Variants in ANKRD55 observed in about 807,000 individuals in gnomAD.
ANKRD55 encodes ankyrin repeat domain 55.
Under a neutral mutation model 60.6 loss-of-function variants are expected in ANKRD55, and 41 were observed. The ratio of observed to expected loss-of-function variants is 0.68; its 90% CI spans 0.53 to 0.88. The LOEUF is 0.88. ANKRD55 is among the 40% of genes least tolerant of loss of function. The probability of loss-of-function intolerance (pLI) is 0.00; values close to 1 mark genes in which losing one functional copy is unlikely to be tolerated. For missense variants in ANKRD55, 732 were observed against 767.6 expected, an observed-to-expected ratio of 0.95 and a Z score of 0.55; for synonymous variants, 264 against 290.3, an observed-to-expected ratio of 0.91 and a Z score of 0.92.
chr5:56,102,022 A>T (rs1756292479), intron 11 of ANKRD55, among the ~76,000 whole-genome samples: 2 of 151,062 alleles, frequency 1.3e-5, no homozygotes, highest in African/African-American at 2.4e-5. Flanking sequence ...ATAAGCATTT[A>T]AAAAAAAGCT....
chr5:56,116,893 T>C, intron 8 of ANKRD55, 111 bp from the exon 9 acceptor site: 2 of 1,184,362 alleles, frequency 1.7e-6, no homozygotes, highest in Non-Finnish European at 2.3e-6. Context: ...GAAAATCTTG[T>C]TGCCATTTAC....
At chr5:56,202,379 A>T (rs1759400588) in intron 2 of ANKRD55, among the ~76,000 whole-genome samples, 1 of 152,018 alleles carries the variant, frequency 6.6e-6, no homozygotes, top group Non-Finnish European at 1.5e-5. Flanking sequence ...TGACATTGAT[A>T]GGCACTTGTG....
intron 7 of ANKRD55, among the ~76,000 whole-genome samples, chr5:56,140,554 A>G (rs963776786): frequency 1.3e-5 from 2 of 152,256 alleles, no homozygotes; most frequent in African/African-American, 4.8e-5. Flanking sequence ...TTTTGCCTCC[A>G]ATGCAAGACA....
At chr5:56,227,131 G>A (rs1352498663) in intron 2 of ANKRD55, among the ~76,000 whole-genome samples, 4 of 152,070 alleles carry the variant, frequency 2.6e-5, no homozygotes, top group Non-Finnish European at 5.9e-5. Flanking sequence ...AATGTGGCAT[G>A]TATACACCAT....
intron 2 of ANKRD55, among the ~76,000 whole-genome samples, chr5:56,185,116 G>T (rs1758939736): frequency 6.6e-6 from 1 of 152,084 alleles, no homozygotes; most frequent in Non-Finnish European, 1.5e-5. Flanking sequence ...CCAGCTACTT[G>T]GGAGGCTGAG....
chr5:56,108,645 A>G (rs1383078193), intron 10 of ANKRD55, among the ~76,000 whole-genome samples: 2 of 152,248 alleles, frequency 1.3e-5, no homozygotes, highest in Non-Finnish European at 2.9e-5. Context: ...GGCACTGGGC[A>G]CATGTCAAAG....
intron 7 of ANKRD55, chr5:56,136,956 G>A: frequency 2.0e-6 from 1 of 505,864 alleles, no homozygotes. Context: ...CTTTCCCTAA[G>A]TGGCCTCAGC....
rs141434154 is a variant in ANKRD55, at chr5:56,118,120, G to A, written c.798-1338C>T. 3.8e-3 allele frequency among the ~76,000 whole-genome samples: 584 copies of A among 152,102 alleles called. 2 individuals carry two copies. Among genetic ancestry groups the A allele is most frequent in the African/African-American group, 0.011 (462 of 41,466 alleles). On this transcript the variant is annotated intron_variant, in intron 8 of 11. Coordinates refer to ENST00000341048, the MANE Select transcript of ANKRD55 (RefSeq NM_024669.3). ...ATCATACCACTGCACTCCATCATGG[G>A]CGACAGAGCAAGACTCTGTCTCAAA...
intron 2 of ANKRD55, among the ~76,000 whole-genome samples, chr5:56,208,013 A>G (rs1759556433): frequency 6.6e-6 from 1 of 152,160 alleles, no homozygotes; most frequent in Non-Finnish European, 1.5e-5. Flanking sequence ...CTTTCTTTAT[A>G]TCCTTATCCT....
At chr5:56,180,648 A>G (rs1267854688) in intron 3 of ANKRD55, among the ~76,000 whole-genome samples, 1 of 152,238 alleles carries the variant, frequency 6.6e-6, no homozygotes, top group Non-Finnish European at 1.5e-5. Flanking sequence ...AGTTTTCAAC[A>G]TACAAGTTCT....
chr5:56,123,747 CAGA>C (rs1326074937), intron 8 of ANKRD55, among the ~76,000 whole-genome samples: 1 of 152,064 alleles, frequency 6.6e-6, no homozygotes, highest in Non-Finnish European at 1.5e-5. Context: ...GGAAGCGATC[CAGA>C]AGAACAGGGT....
chr5:56,166,086 T>TTTTCTTTCTTCC (rs1758443464), intron 5 of ANKRD55, among the ~76,000 whole-genome samples: 1 of 91,772 alleles, frequency 1.1e-5, no homozygotes, highest in Non-Finnish European at 2.5e-5. Flanking sequence ...TTTCTTTTCT[T>TTTTCTTTCTTCC]TTTCTTTCTT....
intron 8 of ANKRD55, among the ~76,000 whole-genome samples, chr5:56,122,487 C>G (rs1757096353): frequency 6.6e-6 from 1 of 150,868 alleles, no homozygotes; most frequent in Middle Eastern, 3.4e-3. Flanking sequence ...CCCTAATCTA[C>G]TAAAAAAAAA....
At chr5:56,151,987 G>A (rs900446185) in intron 6 of ANKRD55, among the ~76,000 whole-genome samples, 4 of 148,400 alleles carry the variant, frequency 2.7e-5, no homozygotes, top group Non-Finnish European at 5.9e-5. Flanking sequence ...TAAAGCTTTT[G>A]TGCAAGCTAC....
rs138082588 is a variant in ANKRD55 at position 56,230,796 on chromosome 5, A to C, written c.58+2060T>G. Among the ~76,000 whole-genome samples the C allele has an allele frequency of 2.2e-3, 339 of 152,338 alleles. 1 individual carries two copies. Among genetic ancestry groups the C allele is most frequent in the African/African-American group, 7.6e-3 (315 of 41,564 alleles). ...AATGTAATTTAGTCATCCAGCACTA[A>C]GCCCTCATTTGATCTGAGGACTGCT... On this transcript the variant is annotated intron_variant, in intron 2 of 11. Coordinates refer to ENST00000341048, the MANE Select transcript of ANKRD55 (RefSeq NM_024669.3).
intron 2 of ANKRD55, among the ~76,000 whole-genome samples, chr5:56,197,150 T>C (rs1759246657): frequency 6.6e-6 from 1 of 152,208 alleles, no homozygotes; most frequent in African/African-American, 2.4e-5. Context: ...TTTAAATCAG[T>C]GTAGTCCAGG....
At position 56,111,626 on chromosome 5, in the gene ANKRD55, G is replaced by A. The variant is rs996937752; in HGVS notation, c.1122C>T (p.Asp374=). The A allele has an allele frequency of 7.0e-6, 11 of 1,573,524 alleles. No homozygotes were observed. In the African/African-American group the frequency reaches 8.2e-5, roughly 12 times the overall value. ...TGATGATGTCATTGACTTCTGAGGTGTCCTCCTCTCTGTATCGGTCCCTGC... is the reference window on the plus strand; with the variant it reads ...TGATGATGTCATTGACTTCTGAGGTATCCTCCTCTCTGTATCGGTCCCTGC... ...DPSRDRYREE[D]TSEVNDIITT... Residue 374 remains aspartate, a synonymous_variant, in exon 10 of 12, where the codon GAC becomes GAT. Coordinates refer to ENST00000341048, the MANE Select transcript of ANKRD55 (RefSeq NM_024669.3).
At chr5:56,216,452 A>G (rs901182687) in intron 2 of ANKRD55, among the ~76,000 whole-genome samples, 4 of 152,238 alleles carry the variant, frequency 2.6e-5, no homozygotes, top group Admixed American at 2.0e-4. Context: ...ACTTTAAATC[A>G]AAAGCTAGAA....
intron 6 of ANKRD55, among the ~76,000 whole-genome samples, chr5:56,155,983 T>G (rs1490354513): frequency 2.0e-5 from 3 of 152,134 alleles, no homozygotes; most frequent in Non-Finnish European, 2.9e-5. Context: ...AAATCTTCAG[T>G]GATTTAAAGC....
Sources: allele counts gnomAD v4.1 joint callset (sites outside exome capture counted in the v4.1 genomes callset), GRCh38; gene constraint gnomAD v4.1.1; transcripts MANE v1.5; gene names NCBI Gene and HGNC (gene_info 2026-07-23, HGNC 2026-07-21).